F11R: variants seen among roughly 807,000 people sequenced by gnomAD.
F11R encodes the protein junctional adhesion molecule A.
F11R carries 27 observed loss-of-function variants against 39.3 expected under a neutral mutation model. The observed-to-expected ratio is 0.69, with a 90% CI of 0.51 to 0.95. F11R has a LOEUF of 0.95. F11R is among the 40% of genes least tolerant of loss of function. F11R has a pLI of 0.00. For synonymous variants in F11R, 131 were observed against 144.9 expected (o/e 0.90, Z 0.69); for missense variants, 335 against 372.7 (o/e 0.90, Z 0.83).
At chr1:161,001,999 C>A (rs12568212) in intron 1 of F11R, among the ~76,000 whole-genome samples, 2 of 152,072 alleles carry the variant, frequency 1.3e-5, no homozygotes, top group African/African-American at 4.8e-5. Flanking sequence ...GGTGCGGTGG[C>A]TCAGGCCTGT....
At chr1:161,019,372 G>A (rs1649625308) in intron 1 of F11R, among the ~76,000 whole-genome samples, 1 of 152,092 alleles carries the variant, frequency 6.6e-6, no homozygotes, top group Non-Finnish European at 1.5e-5. Context: ...GAGGCGGGTG[G>A]ATCACCTGAG....
At position 161,010,969 on chromosome 1, in the gene F11R, A is replaced by G. The variant is rs1308635134; in HGVS notation, c.65-9616T>C. 4.7e-5 allele frequency among the ~76,000 whole-genome samples: 3 copies of G among 63,566 alleles called. No individual in the cohort carries two copies. In the East Asian group the frequency reaches 1.5e-3, roughly 31 times the overall value. The allele number at this position is 63,566 out of a possible 152,430, so 41.7% of individuals were successfully genotyped here. A position where few individuals can be genotyped will look rare whatever the true frequency, so the allele number is the denominator to read the frequency against. Reference sequence around the variant, plus strand: ...AGTCTGGGCGATAGAGTGGGACTCCATCTTAAAAAAAAAAAAAAAAAAAAA... The same window carrying G: ...AGTCTGGGCGATAGAGTGGGACTCCGTCTTAAAAAAAAAAAAAAAAAAAAA... On this transcript the variant is annotated intron_variant, in intron 1 of 9. Coordinates refer to ENST00000368026, the MANE Select transcript of F11R (RefSeq NM_016946.6).
At chr1:161,008,880 T>C (rs1648972995) in intron 1 of F11R, among the ~76,000 whole-genome samples, 1 of 152,222 alleles carries the variant, frequency 6.6e-6, no homozygotes, top group Non-Finnish European at 1.5e-5. Context: ...CAAATTTTTC[T>C]GCAAGCTAAG....
chr1:161,008,784 A>G (rs2481081), intron 1 of F11R, among the ~76,000 whole-genome samples: 38,296 of 152,172 alleles, frequency 0.25, 5,115 homozygotes, highest in Middle Eastern at 0.29. Context: ...ACAATGCTAC[A>G]CTATACTATA....
At chr1:161,012,097 G>T (rs1324557945) in intron 1 of F11R, among the ~76,000 whole-genome samples, 1 of 152,008 alleles carries the variant, frequency 6.6e-6, no homozygotes, top group African/African-American at 2.4e-5. Context: ...ACTACACTTT[G>T]CACAGAGGAG....
intron 1 of F11R, among the ~76,000 whole-genome samples, chr1:161,020,663 G>A (rs935009700): frequency 1.7e-4 from 26 of 152,210 alleles, no homozygotes; most frequent in Admixed American, 2.0e-4. Flanking sequence ...TCCCAGGTGC[G>A]TGTGGAGCGC....
chr1:161,012,037 C>T (rs1001220743), intron 1 of F11R, among the ~76,000 whole-genome samples: 4 of 152,228 alleles, frequency 2.6e-5, no homozygotes, highest in South Asian at 2.1e-4. Flanking sequence ...CTAGTCAATA[C>T]GTGTCTGCAG....
intron 1 of F11R, among the ~76,000 whole-genome samples, chr1:161,006,128 A>C (rs1648791560): frequency 6.9e-6 from 1 of 145,252 alleles, no homozygotes; most frequent in Non-Finnish European, 1.5e-5. Flanking sequence ...ACACAGTGAG[A>C]CTCCATCTCA....
intron 1 of F11R, among the ~76,000 whole-genome samples, chr1:161,013,568 G>C (rs1571020305): frequency 6.6e-6 from 1 of 152,224 alleles, no homozygotes; most frequent in South Asian, 2.1e-4. Context: ...CCATGGGCCA[G>C]GGAAGTTCCA....
At chr1:161,007,124 T>C (rs1442004821) in intron 1 of F11R, among the ~76,000 whole-genome samples, 1 of 143,366 alleles carries the variant, frequency 7.0e-6, no homozygotes. Flanking sequence ...TGAGCTGAGA[T>C]CGTGCCATTG....
At chr1:161,011,675 A>G (rs1232976353) in intron 1 of F11R, among the ~76,000 whole-genome samples, 2 of 151,698 alleles carry the variant, frequency 1.3e-5, no homozygotes, top group African/African-American at 4.8e-5. Flanking sequence ...GGTTGCAGTG[A>G]GCTGAGATTG....
intron 1 of F11R, among the ~76,000 whole-genome samples, chr1:161,006,150 G>A (rs1003174966): frequency 6.6e-5 from 10 of 151,668 alleles, no homozygotes; most frequent in African/African-American, 2.2e-4. Flanking sequence ...AAAAAAAAGG[G>A]GGGGGGCACT....
chr1:161,001,162 GC>G (rs1450804543), intron 2 of F11R, 35 bp from the exon 3 acceptor site: 3 of 1,606,290 alleles, frequency 1.9e-6, no homozygotes, highest in Admixed American at 1.7e-5. Context: ...GAAGGAAGAA[GC>G]AGCAGCAAAT....
chr1:161,019,140 T>C (rs1359316196), intron 1 of F11R, among the ~76,000 whole-genome samples: 1 of 152,090 alleles, frequency 6.6e-6, no homozygotes, highest in Admixed American at 6.6e-5. Context: ...GGAAAAATAC[T>C]GGCACAGTAC....
intron 1 of F11R, 54 bp from the exon 2 acceptor site, chr1:161,001,407 G>C: frequency 2.0e-6 from 3 of 1,515,260 alleles, no homozygotes; most frequent in Non-Finnish European, 1.8e-6. Flanking sequence ...GAAATGCCAG[G>C]AAGAAGGAGT....
At chr1:161,003,792 T>C (rs2101972965) in intron 1 of F11R, among the ~76,000 whole-genome samples, 1 of 152,018 alleles carries the variant, frequency 6.6e-6, no homozygotes, top group East Asian at 1.9e-4. Context: ...AAGATGGAGT[T>C]TTGTTCTAGT....
At chr1:161,010,166 C>G (rs571699694) in intron 1 of F11R, among the ~76,000 whole-genome samples, 7 of 151,926 alleles carry the variant, frequency 4.6e-5, no homozygotes, top group African/African-American at 1.7e-4. Flanking sequence ...TTGACCCAGG[C>G]CAGGCATAGT....
At chr1:161,020,709 C>T (rs1485396860) in intron 1 of F11R, among the ~76,000 whole-genome samples, 1 of 152,128 alleles carries the variant, frequency 6.6e-6, no homozygotes, top group Non-Finnish European at 1.5e-5. Context: ...GTCCTTGGCC[C>T]GACGGCCCTC....
At position 161,000,618 on chromosome 1, in the gene F11R, A is replaced by T. The variant is rs1213082785; in HGVS notation, c.388+13T>A. The T allele has an allele frequency of 6.2e-7, 1 of 1,613,972 alleles. No homozygotes were observed. Among genetic ancestry groups the T allele is most frequent in the East Asian group, 2.2e-5 (1 of 44,886 alleles). On this transcript the variant is annotated intron_variant, in intron 4 of 9. Transcript: ENST00000368026. ...CTAACTCCAGGCCCACCCAGAAGAC[A>T]TGGGGCACGTACCAAGCACGATGAG...
Sources: allele counts gnomAD v4.1 joint callset (sites outside exome capture counted in the v4.1 genomes callset), GRCh38; gene constraint gnomAD v4.1.1; transcripts MANE v1.5; gene names NCBI Gene and HGNC (gene_info 2026-07-23, HGNC 2026-07-21).